The following NAV1 variants were observed in gnomAD, a reference collection of about 807,000 sequenced individuals.
NAV1 encodes pore membrane and/or filament interacting like protein 3.
In NAV1, 18 loss-of-function variants were observed where a neutral mutation model predicts 175.2. The observed-to-expected ratio is 0.10, with a 90% CI of 0.07 to 0.15. NAV1 has a LOEUF of 0.15. NAV1 is among the 10% of genes least tolerant of loss of function. The pLI, the probability that NAV1 is intolerant of heterozygous loss-of-function variation, is 1.00. For synonymous variants in NAV1, 897 were observed against 978.7 expected, an observed-to-expected ratio of 0.92 and a Z score of 1.56; for missense variants, 1,731 against 2,436.6, an observed-to-expected ratio of 0.71 and a Z score of 6.10.
In NAV1 at chr1:201,625,713, A is replaced by G. The variant is rs576947393; in HGVS notation, c.-101+2107A>G. 2.6e-5 allele frequency among the ~76,000 whole-genome samples: 4 copies of G among 152,232 alleles called. No individual in the cohort carries two copies. In the South Asian group the frequency reaches 8.3e-4, roughly 32 times the overall value. ...GGTGACTCTTTGACTTTCTTCTCCT[A>G]CCTGATTCCCTTCATTTTGAATTCA... On this transcript the variant is annotated intron_variant, in intron 1 of 29. Transcript: ENST00000367302.
exon 30 of NAV1, chr1:201,825,139 T>C (rs1679602549): frequency 6.6e-6 from 1 of 152,128 alleles, no homozygotes; most frequent in African/African-American, 2.4e-5. Context: ...GGGTGGAAGT[T>C]AGGAGAATGT....
intron 3 of NAV1, among the ~76,000 whole-genome samples, chr1:201,721,113 G>A (rs1214905697): frequency 6.6e-6 from 1 of 151,846 alleles, no homozygotes; most frequent in Non-Finnish European, 1.5e-5. Flanking sequence ...ATAAGAACTT[G>A]CCTTCCCTGC....
chr1:201,593,964 C>T (rs151015351), intron 2 of NAV1, among the ~76,000 whole-genome samples: 1 of 152,240 alleles, frequency 6.6e-6, no homozygotes, highest in Admixed American at 6.5e-5. Context: ...GGTAGTGGGA[C>T]CACCATCAGT....
intron 1 of NAV1, among the ~76,000 whole-genome samples, chr1:201,675,087 A>T (rs1004609890): frequency 6.6e-6 from 1 of 151,244 alleles, no homozygotes; most frequent in Non-Finnish European, 1.5e-5. Context: ...GCCATGAGGG[A>T]TCCACTCCCA....
intron 3 of NAV1, among the ~76,000 whole-genome samples, chr1:201,768,490 T>C (rs1675354441): frequency 6.6e-6 from 1 of 151,682 alleles, no homozygotes; most frequent in African/African-American, 2.4e-5. Flanking sequence ...ATTAAAAAAT[T>C]AGCCAGGCGC....
intron 3 of NAV1, among the ~76,000 whole-genome samples, chr1:201,719,171 A>T (rs1482731381): frequency 6.8e-6 from 1 of 146,356 alleles, no homozygotes; most frequent in Non-Finnish European, 1.5e-5. Context: ...AAAAAAAAAA[A>T]CCAAAAAGGT....
At chr1:201,702,578 C>G (rs990949485) in intron 1 of NAV1, among the ~76,000 whole-genome samples, 10 of 152,216 alleles carry the variant, frequency 6.6e-5, no homozygotes, top group Admixed American at 5.9e-4. Context: ...TCATGTTGGT[C>G]AGGCTGGTCT....
chr1:201,568,440 A>G (rs1419361183), intron 1 of NAV1, among the ~76,000 whole-genome samples: 1 of 152,044 alleles, frequency 6.6e-6, no homozygotes, highest in East Asian at 1.9e-4. Flanking sequence ...TGGGTGCTGT[A>G]TCTGTTCCCT....
At chr1:201,752,161 TTAAGA>T (rs750553660) in intron 3 of NAV1, among the ~76,000 whole-genome samples, 1 of 152,164 alleles carries the variant, frequency 6.6e-6, no homozygotes, top group Non-Finnish European at 1.5e-5. Context: ...ACTAAATGAC[TTAAGA>T]TAAGAAGGCG....
chr1:201,784,567 C>CAAT lies in NAV1; in HGVS notation c.2804+715_2804+716insAAT, dbSNP rs1162794675. 3.6e-4 allele frequency among the ~76,000 whole-genome samples: 40 copies of CAAT among 109,724 alleles called. 1 individual carries two copies. The highest frequency in any genetic ancestry group is 6.7e-4 in the African/African-American group (21 of 31,396). 72.0% of individuals were successfully genotyped at this position (109,724 alleles called of 152,430 possible). A position where few individuals can be genotyped will look rare whatever the true frequency, so the allele number is the denominator to read the frequency against. ...TAGTTTTTACCTACCATAATACGAT[C>CAAT]TATTTTTTTTTTTTTTTTGAGATGG... is the stretch of plus-strand genomic sequence containing the variant. On this transcript the variant is annotated intron_variant, in intron 7 of 29. Coordinates refer to ENST00000367296, the Ensembl canonical transcript of NAV1.
In NAV1 at chr1:201,539,964, C is replaced by T. The variant is rs774414647; in HGVS notation, c.-144+622C>T. Among the ~76,000 whole-genome samples the T allele has an allele frequency of 1.3e-5, 2 of 152,310 alleles. No homozygotes were observed. The highest frequency in any genetic ancestry group is 2.4e-5 in the African/African-American group (1 of 41,576). On this transcript the variant is annotated intron_variant, in intron 1 of 33. Transcript: ENST00000685211. The surrounding 1 kb of genome is among the most constrained non-coding windows in gnomAD (Gnocchi z 5.6). Reference sequence around the variant, plus strand: ...CGTCTGGGAGCGGAGAAAGTGGTCCCGGAGGAGAGGGGAGAGAGGAGAACG... The same window carrying T: ...CGTCTGGGAGCGGAGAAAGTGGTCCTGGAGGAGAGGGGAGAGAGGAGAACG...
chr1:201,617,156 A>G (rs1668024667), intron 2 of NAV1, among the ~76,000 whole-genome samples: 1 of 152,176 alleles, frequency 6.6e-6, no homozygotes, highest in Admixed American at 6.5e-5. Flanking sequence ...GAAAGAACAA[A>G]GAGAGCATGT....
chr1:201,544,054 G>A (rs183882934), intron 1 of NAV1, among the ~76,000 whole-genome samples: 8 of 152,326 alleles, frequency 5.3e-5, no homozygotes, highest in Admixed American at 5.2e-4. Context: ...AGGGCACCAC[G>A]CCCAGCCTCA....
exon 30 of NAV1, chr1:201,821,953 A>G (rs1679410032): frequency 6.6e-6 from 1 of 152,556 alleles, no homozygotes; most frequent in African/African-American, 2.4e-5. Flanking sequence ...ATCTATAGGC[A>G]TACCAACCTG....
intron 3 of NAV1, among the ~76,000 whole-genome samples, chr1:201,729,530 A>G (rs1034608274): frequency 6.6e-6 from 1 of 152,090 alleles, no homozygotes; most frequent in African/African-American, 2.4e-5. Flanking sequence ...AGTCCCAGCT[A>G]CTTGGGAGGC....
At chr1:201,739,651 G>A (rs537593268) in intron 3 of NAV1, 25 of 368,076 alleles carry the variant, frequency 6.8e-5, no homozygotes, top group African/African-American at 4.9e-4. Context: ...GAGCAGCCCA[G>A]GTGGAGGTCG....
intron 3 of NAV1, among the ~76,000 whole-genome samples, chr1:201,777,667 A>C (rs1211866656): frequency 6.6e-6 from 1 of 151,114 alleles, no homozygotes; most frequent in Non-Finnish European, 1.5e-5. Flanking sequence ...TTAAAGAAAG[A>C]GGGCTGGGTG....
intron 1 of NAV1, among the ~76,000 whole-genome samples, chr1:201,556,616 G>A (rs1290849717): frequency 1.3e-5 from 2 of 152,098 alleles, no homozygotes; most frequent in African/African-American, 4.8e-5. Flanking sequence ...AGGGAACTGG[G>A]GGGCCTTCCA....
Position 201,740,157 on chromosome 1 carries a change from G to GC in NAV1, c.1226+21408dup, listed in dbSNP as rs1378975560. 5.9e-6 allele frequency: 7 copies of GC among 1,176,688 alleles called. No individual in the cohort carries two copies. Among genetic ancestry groups the GC allele is most frequent in the Non-Finnish European group, 8.1e-6 (7 of 864,170 alleles). The allele number at this position is 1,176,688 out of a possible 1,614,324, so 72.9% of individuals were successfully genotyped here. A position where few individuals can be genotyped will look rare whatever the true frequency, so the allele number is the denominator to read the frequency against. On this transcript the variant is annotated intron_variant, in intron 3 of 29. Coordinates refer to ENST00000367296, the Ensembl canonical transcript of NAV1. The surrounding 1 kb of genome is among the most constrained non-coding windows in gnomAD (Gnocchi z 4.7). ...TTGTGGCACCCCCAGCCCCGCCGCA[G>GC]CCCCCCAGTTCCGCCGCAGCTGCAG...
Sources: gnomAD v4.1 joint callset for allele counts (sites outside exome capture counted in the v4.1 genomes callset) on GRCh38, gnomAD v4.1.1 for gene constraint, Gnocchi (gnomAD v3.1) non-coding constraint, MANE v1.5 for transcripts, NCBI Gene and HGNC (gene_info 2026-07-23, HGNC 2026-07-21) for gene names.